The following MYO9A variants were observed in gnomAD, a reference collection of about 807,000 sequenced individuals.
MYO9A encodes the protein unconventional myosin-IXa.
Under a neutral mutation model 293.3 loss-of-function variants are expected in MYO9A, and 103 were observed. That is an observed-to-expected ratio of 0.35 (90% CI 0.30 to 0.41). The LOEUF is 0.41. MYO9A is among the 10% of genes least tolerant of loss of function. The probability of loss-of-function intolerance (pLI) is 1.00; values close to 1 mark genes in which losing one functional copy is unlikely to be tolerated. For missense variants in MYO9A, 2,685 were observed against 3,033.0 expected (o/e 0.89, Z 2.69); for synonymous variants, 1,001 against 1,035.7 (o/e 0.97, Z 0.64).
At chr15:72,022,347 C>T (rs776420868) in intron 4 of MYO9A, among the ~76,000 whole-genome samples, 2 of 151,896 alleles carry the variant, frequency 1.3e-5, no homozygotes, top group African/African-American at 2.4e-5. Flanking sequence ...TGGTGAAACC[C>T]CGTCTCTACT....
intron 1 of MYO9A, among the ~76,000 whole-genome samples, chr15:72,085,535 G>A (rs983774075): frequency 3.3e-5 from 5 of 151,996 alleles, no homozygotes; most frequent in Non-Finnish European, 5.9e-5. Flanking sequence ...ATTTTATTGT[G>A]ATTCTTAGCT....
chr15:72,062,567 C>A (rs1039466183), intron 1 of MYO9A, among the ~76,000 whole-genome samples: 8 of 152,086 alleles, frequency 5.3e-5, no homozygotes, highest in African/African-American at 1.9e-4. Context: ...CTGAAGAATG[C>A]ATCAGAGTCT....
At chr15:71,949,947 TTAAAGAA>T (rs1316795948) in intron 15 of MYO9A, among the ~76,000 whole-genome samples, 5 of 152,116 alleles carry the variant, frequency 3.3e-5, no homozygotes, top group Admixed American at 3.3e-4. Flanking sequence ...TTTACTACCT[TTAAAGAA>T]TAAACTTTTC....
chr15:72,110,201 C>T (rs570663205), intron 1 of MYO9A, among the ~76,000 whole-genome samples: 2 of 151,402 alleles, frequency 1.3e-5, no homozygotes, highest in Non-Finnish European at 1.5e-5. Context: ...TTTGGGAGGC[C>T]GAGGCAGGTA....
chr15:72,092,874 C>G (rs2079957986), intron 1 of MYO9A, among the ~76,000 whole-genome samples: 1 of 150,772 alleles, frequency 6.6e-6, no homozygotes, highest in Admixed American at 6.6e-5. Context: ...CTTGTAACAA[C>G]AAGACACACA....
intron 37 of MYO9A, among the ~76,000 whole-genome samples, chr15:71,850,730 C>T (rs771033931): frequency 2.6e-4 from 34 of 131,210 alleles, no homozygotes; most frequent in Non-Finnish European, 4.5e-4. Flanking sequence ...TGCGTCACTG[C>T]ACTCCGGCCT....
chr15:72,062,423 G>C (rs1290452017), intron 1 of MYO9A, among the ~76,000 whole-genome samples: 3 of 152,158 alleles, frequency 2.0e-5, no homozygotes, highest in African/African-American at 7.2e-5. Flanking sequence ...CAAGATACTT[G>C]TTTTCAGGAA....
chr15:71,878,224 T>C lies in MYO9A; in HGVS notation c.5747A>G (p.Asp1916Gly). The change falls in exon 31 of 42, where the codon GAT becomes GGT. Residue 1916 changes from aspartate (D) to glycine (G), a missense_variant. Physicochemically the swap from Asp to Gly is moderately conservative, Grantham distance 94 (BLOSUM62 -1). Transcript: ENST00000356056. ...SFYSSALAMD[D>G]GKSIRYKDLY... Reference sequence around the variant, plus strand: ...GTCTTTATACCGTATGCTTTTCCCATCATCCATCTATAAGCAATAAGAAAA... The same window carrying C: ...GTCTTTATACCGTATGCTTTTCCCACCATCCATCTATAAGCAATAAGAAAA... 9 of 1,542,776 alleles carry C rather than the reference T, an allele frequency of 5.8e-6. No individual in the cohort carries two copies. Among genetic ancestry groups the C allele is most frequent in the Non-Finnish European group, 7.0e-6 (8 of 1,149,730 alleles).
At chr15:72,006,106 C>A (rs1432294116) in intron 8 of MYO9A, among the ~76,000 whole-genome samples, 2 of 152,098 alleles carry the variant, frequency 1.3e-5, no homozygotes, top group African/African-American at 2.4e-5. Flanking sequence ...GAGACAGGGT[C>A]TCGCTCTGTT....
intron 1 of MYO9A, among the ~76,000 whole-genome samples, chr15:72,101,504 G>T (rs2080320594): frequency 8.0e-6 from 1 of 124,854 alleles, no homozygotes; most frequent in Non-Finnish European, 1.8e-5. Context: ...GCCCCGTCCG[G>T]GAGGGAGGTG....
chr15:72,042,126 CAAA>C (rs1327605018), intron 2 of MYO9A, among the ~76,000 whole-genome samples: 2 of 49,702 alleles, frequency 4.0e-5, no homozygotes, highest in African/African-American at 7.7e-5. Flanking sequence ...AGATTGAATG[CAAA>C]AAAAAAAGAC....
intron 11 of MYO9A, 29 bp downstream of exon 11, chr15:71,991,074 G>T (rs562939657): frequency 1.3e-6 from 2 of 1,503,754 alleles, no homozygotes; most frequent in South Asian, 2.8e-5. Flanking sequence ...GTGATGGGGG[G>T]ACAAGTGTAT....
intron 15 of MYO9A, among the ~76,000 whole-genome samples, chr15:71,945,431 T>A (rs1464052053): frequency 6.6e-6 from 1 of 152,166 alleles, no homozygotes; most frequent in African/African-American, 2.4e-5. Context: ...ATTTTTGCCA[T>A]GTGCTTTCTG....
intron 39 of MYO9A, among the ~76,000 whole-genome samples, chr15:71,845,562 T>C (rs2055348478): frequency 6.6e-6 from 1 of 152,236 alleles, no homozygotes; most frequent in South Asian, 2.1e-4. Flanking sequence ...CTTGTTGACA[T>C]CTGTACTAAT....
chr15:71,953,773 G>T (rs1184723228), intron 14 of MYO9A: 2 of 152,062 alleles, frequency 1.3e-5, no homozygotes, highest in African/African-American at 4.8e-5. Flanking sequence ...GATATTCCCT[G>T]TTTGTTTTAT....
chr15:71,844,344 A>C (rs548841231), intron 39 of MYO9A, among the ~76,000 whole-genome samples: 1 of 152,310 alleles, frequency 6.6e-6, no homozygotes, highest in South Asian at 2.1e-4. Flanking sequence ...TGTCTAAGGA[A>C]GTCTATATAT....
intron 32 of MYO9A, among the ~76,000 whole-genome samples, chr15:71,866,099 G>A (rs1035193726): frequency 2.0e-5 from 3 of 152,070 alleles, no homozygotes; most frequent in East Asian, 3.9e-4. Flanking sequence ...CTTGATTCAC[G>A]TTGATGGCAG....
intron 1 of MYO9A, among the ~76,000 whole-genome samples, chr15:72,052,827 C>T (rs1450316148): frequency 1.3e-5 from 2 of 152,192 alleles, no homozygotes; most frequent in African/African-American, 2.4e-5. Flanking sequence ...CACTCACACA[C>T]CCTCCTTTGG....
intron 6 of MYO9A, among the ~76,000 whole-genome samples, chr15:72,012,604 T>C (rs2077206629): frequency 6.6e-6 from 1 of 152,134 alleles, no homozygotes; most frequent in South Asian, 2.1e-4. Flanking sequence ...AGCCCTAAGA[T>C]AAATTTTTAA....
Sources: gnomAD v4.1 joint callset for allele counts (sites outside exome capture counted in the v4.1 genomes callset) on GRCh38, gnomAD v4.1.1 for gene constraint, MANE v1.5 for transcripts, NCBI Gene and HGNC (gene_info 2026-07-23, HGNC 2026-07-21) for gene names.